Variants in PLA2R1 observed in about 807,000 individuals in gnomAD.
The protein encoded by PLA2R1 is phospholipase A2 receptor 1, also known as secretory phospholipase A2 receptor.
Under a neutral mutation model 195.9 loss-of-function variants are expected in PLA2R1, and 158 were observed. The ratio of observed to expected loss-of-function variants is 0.81; its 90% CI spans 0.71 to 0.92. The LOEUF is 0.92. Ranked by LOEUF, PLA2R1 falls within the 40% of genes least tolerant of loss-of-function variation. The pLI, the probability that PLA2R1 is intolerant of heterozygous loss-of-function variation, is 0.00. For synonymous variants in PLA2R1, 586 were observed against 598.2 expected (o/e 0.98, Z 0.30); for missense variants, 1,626 against 1,764.6 (o/e 0.92, Z 1.41).
At chr2:160,052,983 A>G (rs1695307126) in intron 1 of PLA2R1, among the ~76,000 whole-genome samples, 1 of 152,230 alleles carries the variant, frequency 6.6e-6, no homozygotes. Context: ...TAGTCCCTGT[A>G]TCGGTTTGCT....
chr2:159,955,615 G>T, intron 22 of PLA2R1, 83 bp downstream of exon 22: 1 of 603,474 alleles, frequency 1.7e-6, no homozygotes, highest in Non-Finnish European at 2.6e-6. Flanking sequence ...CAAAATATAG[G>T]AAATAAAAAA....
At chr2:159,929,205 G>A (rs911312865), downstream of PLA2R1, among the ~76,000 whole-genome samples, 1 of 152,152 alleles carries the variant, frequency 6.6e-6, no homozygotes, top group Admixed American at 6.5e-5. Flanking sequence ...AATCAGCAGA[G>A]TACACAGACA....
intron 13 of PLA2R1, among the ~76,000 whole-genome samples, chr2:159,982,311 G>A (rs542952577): frequency 6.6e-6 from 1 of 152,256 alleles, no homozygotes; most frequent in Admixed American, 6.5e-5. Flanking sequence ...CAGACTCAGA[G>A]AGTCTGACTC....
intron 19 of PLA2R1, among the ~76,000 whole-genome samples, chr2:159,968,291 T>C (rs1462018923): frequency 1.3e-5 from 2 of 152,098 alleles, no homozygotes; most frequent in African/African-American, 4.8e-5. Context: ...ATAGAATGCA[T>C]TTTATTGGCA....
At chr2:159,991,104 G>A (rs1295892130) in intron 11 of PLA2R1, among the ~76,000 whole-genome samples, 1 of 152,194 alleles carries the variant, frequency 6.6e-6, no homozygotes, top group Non-Finnish European at 1.5e-5. Context: ...GAGTGGGTGG[G>A]CATTCAATAA....
At position 159,983,453 on chromosome 2, in the gene PLA2R1, C is replaced by CT. The variant is rs3062423; in HGVS notation, c.2183+474dup. Among the ~76,000 whole-genome samples the CT allele has an allele frequency of 3.0e-3, 417 of 140,016 alleles. 4 individuals carry two copies. Among genetic ancestry groups the CT allele is most frequent in the South Asian group, 0.026 (114 of 4,372 alleles). The allele number at this position is 140,016 out of a possible 152,430, so 91.9% of individuals were successfully genotyped here. A position where few individuals can be genotyped will look rare whatever the true frequency, so the allele number is the denominator to read the frequency against. On this transcript the variant is annotated intron_variant, in intron 13 of 29. Transcript: ENST00000283243. Reference sequence around the variant, plus strand: ...AATTAAAAAAAAAATTACTGGGACTCTTTTTTTTTTTTTTTCCAAACAAAA... The same window carrying CT: ...AATTAAAAAAAAAATTACTGGGACTCTTTTTTTTTTTTTTTTCCAAACAAAA...
At position 159,975,448 on chromosome 2, in the gene PLA2R1, C is replaced by T. The variant is rs960857860; in HGVS notation, c.2595+620G>A. Among the ~76,000 whole-genome samples, 3 of 152,070 alleles carry T rather than the reference C, an allele frequency of 2.0e-5. 1 individual carries two copies. Among genetic ancestry groups the T allele is most frequent in the Non-Finnish European group, 4.4e-5 (3 of 68,002 alleles). On this transcript the variant is annotated intron_variant, in intron 17 of 29. Coordinates refer to ENST00000283243, the MANE Select transcript of PLA2R1 (RefSeq NM_007366.5). ...CTTAGTTCTGCAAGGAATTAAGTAG[C>T]CTTTCTCTACTTTAAGTTGAAATAG...
At chr2:160,056,629 T>C (rs928769118) in intron 1 of PLA2R1, among the ~76,000 whole-genome samples, 1 of 152,240 alleles carries the variant, frequency 6.6e-6, no homozygotes, top group African/African-American at 2.4e-5. Context: ...CCCTGTTTCT[T>C]GAACCCAAAC....
chr2:159,998,003 G>A (rs981149667), intron 11 of PLA2R1, among the ~76,000 whole-genome samples: 3 of 151,986 alleles, frequency 2.0e-5, no homozygotes, highest in Admixed American at 2.0e-4. Flanking sequence ...AATATCAGGA[G>A]GTCTAAAGGA....
chr2:160,022,504 A>C (rs1208443912), intron 7 of PLA2R1, among the ~76,000 whole-genome samples, 161 bp downstream of exon 7: 1 of 152,210 alleles, frequency 6.6e-6, no homozygotes, highest in Non-Finnish European at 1.5e-5. Flanking sequence ...TTTTGTAAAA[A>C]TCCAATAAAT....
chr2:160,027,077 C>T (rs1283763269), intron 6 of PLA2R1, among the ~76,000 whole-genome samples: 1 of 152,178 alleles, frequency 6.6e-6, no homozygotes, highest in Non-Finnish European at 1.5e-5. Flanking sequence ...TTGCAGTGAG[C>T]CAAGATCGTG....
intron 9 of PLA2R1, among the ~76,000 whole-genome samples, chr2:160,015,334 G>A (rs1256909096): frequency 6.6e-6 from 1 of 152,134 alleles, no homozygotes; most frequent in Non-Finnish European, 1.5e-5. Flanking sequence ...TTAGAGAATT[G>A]CATTGAAGCA....
At chr2:159,927,337 T>G (rs1348933324), downstream of PLA2R1, among the ~76,000 whole-genome samples, 1 of 152,224 alleles carries the variant, frequency 6.6e-6, no homozygotes, top group Non-Finnish European at 1.5e-5. Flanking sequence ...TTTGTTTCTA[T>G]CTTTGATCAG....
At chr2:160,031,663 C>T (rs1360298814) in intron 4 of PLA2R1, among the ~76,000 whole-genome samples, 1 of 152,174 alleles carries the variant, frequency 6.6e-6, no homozygotes, top group Non-Finnish European at 1.5e-5. Context: ...GGATTCAAAC[C>T]CAGGCAGGTG....
Position 159,998,641 on chromosome 2 carries a change from TC to T in PLA2R1, c.1834+7010del, listed in dbSNP as rs758690771. On this transcript the variant is annotated intron_variant, in intron 11 of 29. Coordinates refer to ENST00000283243, the MANE Select transcript of PLA2R1 (RefSeq NM_007366.5). ...GTAATATTAAGCTGTAGTTTCAATGTCCTACTCTGGCCTTATCTTTTACAAC... is the reference window on the plus strand; with the variant it reads ...GTAATATTAAGCTGTAGTTTCAATGTCTACTCTGGCCTTATCTTTTACAAC... 8.0e-4 allele frequency among the ~76,000 whole-genome samples: 122 copies of T among 152,278 alleles called. No individual in the cohort carries two copies. The Middle Eastern group carries it at 0.014, about 17-fold the overall frequency.
intron 11 of PLA2R1, among the ~76,000 whole-genome samples, chr2:159,994,121 CA>C (rs1299032310): frequency 1.3e-5 from 2 of 151,028 alleles, no homozygotes; most frequent in Admixed American, 6.6e-5. Context: ...ACAGAGCACA[CA>C]ACTACCTAGG....
At chr2:159,977,561 G>C in intron 14 of PLA2R1, 145 bp from the exon 15 acceptor site, 1 of 587,584 alleles carries the variant, frequency 1.7e-6, no homozygotes, top group East Asian at 2.9e-5. Flanking sequence ...GTTGAAGGTT[G>C]TTTCACATTT....
intron 11 of PLA2R1, among the ~76,000 whole-genome samples, chr2:160,004,694 A>C (rs1691853855): frequency 6.6e-6 from 1 of 152,160 alleles, no homozygotes; most frequent in Admixed American, 6.5e-5. Flanking sequence ...GCAAGAACTC[A>C]CCCTGAAGTA....
Position 159,978,399 on chromosome 2 carries a change from G to A in PLA2R1, c.2269-983C>T, listed in dbSNP as rs112181585. On this transcript the variant is annotated intron_variant, in intron 14 of 29. Coordinates refer to ENST00000283243, the MANE Select transcript of PLA2R1 (RefSeq NM_007366.5). ...CCTCCTCAAACATGTACACTGTCACGTAATAATTCATCTATCTAAAATATA... is the reference window on the plus strand; with the variant it reads ...CCTCCTCAAACATGTACACTGTCACATAATAATTCATCTATCTAAAATATA... Among the ~76,000 whole-genome samples the A allele has an allele frequency of 4.0e-3, 603 of 152,226 alleles. 2 individuals are homozygous for A. Among genetic ancestry groups the A allele is most frequent in the African/African-American group, 0.014 (564 of 41,534 alleles).
Sources: allele counts gnomAD v4.1 joint callset (sites outside exome capture counted in the v4.1 genomes callset), GRCh38; gene constraint gnomAD v4.1.1; transcripts MANE v1.5; gene names NCBI Gene and HGNC (gene_info 2026-07-23, HGNC 2026-07-21).